The following SKIC3 variants were observed in gnomAD, a reference collection of about 807,000 sequenced individuals.
The protein encoded by SKIC3 is SKI3 subunit of superkiller complex, also known as superkiller complex protein 3.
At chr5:95,508,547 C>T in the SKIC3 span, among the ~76,000 whole-genome samples, 1 of 152,202 alleles carries the variant, frequency 6.6e-6, no homozygotes, top group Non-Finnish European at 1.5e-5. Flanking sequence ...GGCTTGTGGC[C>T]TCAGTTCACT....
At chr5:95,504,518 C>T in the SKIC3 span, among the ~76,000 whole-genome samples, 1 of 151,556 alleles carries the variant, frequency 6.6e-6, no homozygotes, top group Non-Finnish European at 1.5e-5. Context: ...AAGCTGAATA[C>T]TTAATTAAAT....
At chr5:95,537,576 T>C in the SKIC3 span, among the ~76,000 whole-genome samples, 22 of 152,204 alleles carry the variant, frequency 1.4e-4, no homozygotes, top group East Asian at 3.1e-3. Context: ...AGTTGGGTGA[T>C]ACTTTTGGTA....
the SKIC3 span, chr5:95,464,537 T>C: frequency 8.4e-7 from 1 of 1,183,606 alleles, no homozygotes; most frequent in Non-Finnish European, 1.2e-6. Context: ...TTGCTTTGGG[T>C]AGAAGTCTTG....
chr5:95,521,147 T>C, the SKIC3 span, among the ~76,000 whole-genome samples: 116 of 152,164 alleles, frequency 7.6e-4, 1 homozygote, highest in African/African-American at 2.5e-3. Flanking sequence ...CTCTCCATGA[T>C]ATTACTACTT....
chr5:95,512,753 C>A, the SKIC3 span: 1 of 983,088 alleles, frequency 1.0e-6, no homozygotes. Context: ...GTTAAAAGTA[C>A]CTTTAAATGA....
chr5:95,503,583 T>C, the SKIC3 span, among the ~76,000 whole-genome samples: 1 of 152,228 alleles, frequency 6.6e-6, no homozygotes, highest in Non-Finnish European at 1.5e-5. Flanking sequence ...TTTCCTCATC[T>C]GTATAATGAA....
At chr5:95,509,326 G>A in the SKIC3 span, among the ~76,000 whole-genome samples, 1 of 152,146 alleles carries the variant, frequency 6.6e-6, no homozygotes, top group African/African-American at 2.4e-5. Context: ...GAAGGGTGAG[G>A]GGAATGGATT....
chr5:95,492,653 A>C, the SKIC3 span, among the ~76,000 whole-genome samples: 1 of 33,168 alleles, frequency 3.0e-5, no homozygotes, highest in African/African-American at 4.1e-4. Context: ...AAAAAAAAAG[A>C]AAAAAAAAAA....
the SKIC3 span, chr5:95,497,511 G>A: frequency 1.9e-6 from 3 of 1,601,578 alleles, no homozygotes; most frequent in Non-Finnish European, 1.7e-6. Flanking sequence ...AAAGTAGCAG[G>A]CTTAGGGACA....
chr5:95,468,614 A>G, the SKIC3 span, among the ~76,000 whole-genome samples: 1 of 152,190 alleles, frequency 6.6e-6, no homozygotes, highest in Non-Finnish European at 1.5e-5. Context: ...AACATAAACC[A>G]TTAGTATATT....
chr5:95,509,517 A>G, the SKIC3 span: 2 of 1,126,694 alleles, frequency 1.8e-6, no homozygotes, highest in South Asian at 1.3e-5. Context: ...CTCCCAACGC[A>G]CAGGCCAGTC....
At chr5:95,484,698 GT>G in the SKIC3 span, 1 of 1,613,786 alleles carries the variant, frequency 6.2e-7, no homozygotes, top group South Asian at 1.1e-5. Context: ...GAATCCATGA[GT>G]TTCAATGCAC....
At chr5:95,551,847 T>C in the SKIC3 span, among the ~76,000 whole-genome samples, 1 of 152,226 alleles carries the variant, frequency 6.6e-6, no homozygotes, top group Non-Finnish European at 1.5e-5. Flanking sequence ...ACTTACCTGA[T>C]ACACACATAG....
At chr5:95,503,178 T>C in the SKIC3 span, among the ~76,000 whole-genome samples, 1 of 152,230 alleles carries the variant, frequency 6.6e-6, no homozygotes, top group East Asian at 1.9e-4. Context: ...TTGTTTTCAC[T>C]GTTCCAAGGT....
At chr5:95,495,306 TATAAA>T in the SKIC3 span, 1 of 363,322 alleles carries the variant, frequency 2.8e-6, no homozygotes, top group South Asian at 3.2e-5. Flanking sequence ...TTTCTAACAA[TATAAA>T]ATATAAAGAC....
At chr5:95,532,701 G>T in the SKIC3 span, among the ~76,000 whole-genome samples, 9 of 151,920 alleles carry the variant, frequency 5.9e-5, no homozygotes, top group African/African-American at 1.9e-4. Flanking sequence ...GGATTCTAAG[G>T]TTCCACATTT....
chr5:95,515,450 C>T, the SKIC3 span, among the ~76,000 whole-genome samples: 97 of 152,016 alleles, frequency 6.4e-4, 1 homozygote, highest in African/African-American at 2.3e-3. Context: ...TTTTCTGCTA[C>T]AAAAAATAAC....
chr5:95,478,030 A>G, the SKIC3 span, among the ~76,000 whole-genome samples: 1 of 152,212 alleles, frequency 6.6e-6, no homozygotes, highest in Admixed American at 6.5e-5. Context: ...CCAAGAAACA[A>G]AAATGTATAT....
At chr5:95,513,153 A>G in the SKIC3 span, 6 of 187,474 alleles carry the variant, frequency 3.2e-5, no homozygotes, top group South Asian at 6.5e-4. Context: ...CTAAGAAAGA[A>G]TAAAGAATAA....
Sources: allele counts gnomAD v4.1 joint callset (sites outside exome capture counted in the v4.1 genomes callset), GRCh38; gene constraint gnomAD v4.1.1; transcripts MANE v1.5; gene names NCBI Gene and HGNC (gene_info 2026-07-23, HGNC 2026-07-21).